The following EXOC4 variants were observed in gnomAD, a reference collection of about 807,000 sequenced individuals.
EXOC4 encodes the protein exocyst complex component 4.
Under a neutral mutation model 107.2 loss-of-function variants are expected in EXOC4, and 71 were observed. The ratio of observed to expected loss-of-function variants is 0.66; its 90% CI spans 0.55 to 0.81. The LOEUF (loss-of-function observed/expected upper bound fraction) is 0.81, where lower values mean the gene tolerates loss of function less well. Ranked by LOEUF, EXOC4 falls within the 30% of genes least tolerant of loss-of-function variation. The pLI, the probability that EXOC4 is intolerant of heterozygous loss-of-function variation, is 0.00. For synonymous variants in EXOC4, 456 were observed against 441.2 expected, an observed-to-expected ratio of 1.03 and a Z score of -0.42; for missense variants, 1,108 against 1,189.6, an observed-to-expected ratio of 0.93 and a Z score of 1.01.
chr7:133,495,328 C>T (rs188557036), intron 9 of EXOC4, among the ~76,000 whole-genome samples: 1 of 151,656 alleles, frequency 6.6e-6, no homozygotes, highest in Admixed American at 6.6e-5. Context: ...TCTTTCTCCC[C>T]TTTTTTAACC....
At position 133,661,063 on chromosome 7, in the gene EXOC4, G is replaced by A. The variant is rs146799470; in HGVS notation, c.1514+30922G>A. Reference sequence around the variant, plus strand: ...GTTTGTCTGATTTTAAGTTTTGTTCGCTTGCCAGGGTACCCCACAAAAATG... The same window carrying A: ...GTTTGTCTGATTTTAAGTTTTGTTCACTTGCCAGGGTACCCCACAAAAATG... On this transcript the variant is annotated intron_variant, in intron 10 of 17. Coordinates refer to ENST00000253861, the MANE Select transcript of EXOC4 (RefSeq NM_021807.4). Among the ~76,000 whole-genome samples the A allele has an allele frequency of 4.6e-5, 7 of 152,152 alleles. 1 individual carries two copies. The highest frequency in any genetic ancestry group is 1.7e-4 in the African/African-American group (7 of 41,528).
Position 133,855,122 on chromosome 7 carries a change from T to TAA in EXOC4, c.1734+37579_1734+37580insAA, listed in dbSNP as rs1414212475. On this transcript the variant is annotated intron_variant, in intron 11 of 17. Transcript: ENST00000253861. Reference sequence around the variant, plus strand: ...ATATATAAATATATATAAATATATATATATAAATATATATATATATAAATA... The same window carrying TAA: ...ATATATAAATATATATAAATATATATAAATATAAATATATATATATATAAATA... Among the ~76,000 whole-genome samples, 488 of 56,678 alleles carry TAA rather than the reference T, an allele frequency of 8.6e-3. 10 individuals are homozygous for TAA. The highest frequency in any genetic ancestry group is 0.04 in the Middle Eastern group (5 of 126). 37.2% of individuals were successfully genotyped at this position (56,678 alleles called of 152,430 possible). A position where few individuals can be genotyped will look rare whatever the true frequency, so the allele number is the denominator to read the frequency against.
At chr7:133,371,275 A>G (rs551313502) in intron 6 of EXOC4, among the ~76,000 whole-genome samples, 1 of 152,308 alleles carries the variant, frequency 6.6e-6, no homozygotes, top group Admixed American at 6.5e-5. Flanking sequence ...CGATTCACCT[A>G]TTGAAAGTAT....
the EXOC4 span, among the ~76,000 whole-genome samples, chr7:134,079,171 C>G: frequency 6.6e-6 from 1 of 152,224 alleles, no homozygotes; most frequent in Non-Finnish European, 1.5e-5. Flanking sequence ...AGACAACATT[C>G]ATTAGCAAGA....
chr7:133,345,599 GA>G (rs900780820), intron 5 of EXOC4, among the ~76,000 whole-genome samples: 3 of 151,780 alleles, frequency 2.0e-5, no homozygotes, highest in African/African-American at 7.3e-5. Context: ...GCTATCTCTT[GA>G]AAAAAATGAT....
chr7:133,531,484 A>G (rs146039742), intron 9 of EXOC4, among the ~76,000 whole-genome samples: 50 of 152,314 alleles, frequency 3.3e-4, no homozygotes, highest in African/African-American at 1.2e-3. Flanking sequence ...CAAGTAGGTG[A>G]AAACTGGAGG....
chr7:134,069,309 T>TCCC (rs142005162), downstream of EXOC4, among the ~76,000 whole-genome samples: 6 of 131,382 alleles, frequency 4.6e-5, 1 homozygote, highest in African/African-American at 1.8e-4. Context: ...CTCCTCCTCC[T>TCCC]TTCTTCCTTC....
At chr7:133,638,351 T>C (rs891726704) in intron 10 of EXOC4, among the ~76,000 whole-genome samples, 1 of 152,176 alleles carries the variant, frequency 6.6e-6, no homozygotes, top group African/African-American at 2.4e-5. Context: ...TCTACATTCT[T>C]TAAATCTCTG....
At chr7:133,368,660 C>T (rs910927292) in intron 6 of EXOC4, among the ~76,000 whole-genome samples, 1 of 152,140 alleles carries the variant, frequency 6.6e-6, no homozygotes, top group African/African-American at 2.4e-5. Flanking sequence ...AGCTGGTATT[C>T]AAGTCCAGGT....
intron 9 of EXOC4, among the ~76,000 whole-genome samples, chr7:133,537,441 G>A (rs1584984323): frequency 1.3e-5 from 2 of 152,110 alleles, no homozygotes; most frequent in South Asian, 2.1e-4. Context: ...TTACAGGCAC[G>A]AGCCACCACG....
At chr7:133,886,583 T>A (rs1205756816) in intron 11 of EXOC4, among the ~76,000 whole-genome samples, 1 of 152,256 alleles carries the variant, frequency 6.6e-6, no homozygotes, top group Non-Finnish European at 1.5e-5. Flanking sequence ...GCACAGACTT[T>A]ATTACCTGGT....
chr7:133,493,938 A>T (rs1388964542), intron 9 of EXOC4, among the ~76,000 whole-genome samples: 2 of 152,214 alleles, frequency 1.3e-5, no homozygotes, highest in Non-Finnish European at 2.9e-5. Context: ...CACGAACTCT[A>T]AATTTTACTA....
At chr7:133,452,892 G>C (rs1798379415) in intron 7 of EXOC4, among the ~76,000 whole-genome samples, 1 of 152,088 alleles carries the variant, frequency 6.6e-6, no homozygotes, top group African/African-American at 2.4e-5. Flanking sequence ...AGTCCATTTT[G>C]TATTTGTTCC....
intron 10 of EXOC4, among the ~76,000 whole-genome samples, chr7:133,685,257 T>C (rs934607749): frequency 4.6e-5 from 7 of 152,122 alleles, no homozygotes; most frequent in Non-Finnish European, 8.8e-5. Flanking sequence ...GTGGAGGTCA[T>C]TTAATCATGG....
At chr7:133,528,502 T>G (rs1032541059) in intron 9 of EXOC4, among the ~76,000 whole-genome samples, 1 of 152,178 alleles carries the variant, frequency 6.6e-6, no homozygotes, top group Non-Finnish European at 1.5e-5. Flanking sequence ...CATTGTATTC[T>G]CTTCAGATTG....
intron 10 of EXOC4, among the ~76,000 whole-genome samples, chr7:133,652,281 A>G (rs1803176657): frequency 1.3e-5 from 2 of 152,198 alleles, no homozygotes; most frequent in South Asian, 4.1e-4. Flanking sequence ...TCTTTGAATG[A>G]ATGTAAGTGG....
intron 10 of EXOC4, among the ~76,000 whole-genome samples, chr7:133,671,292 G>A (rs1343177445): frequency 1.3e-5 from 2 of 152,158 alleles, no homozygotes; most frequent in East Asian, 1.9e-4. Flanking sequence ...GGCCAGGCAC[G>A]GTGGCTCATG....
intron 17 of EXOC4, among the ~76,000 whole-genome samples, chr7:134,035,452 A>C (rs1290259651): frequency 3.3e-5 from 5 of 152,220 alleles, no homozygotes; most frequent in African/African-American, 1.2e-4. Flanking sequence ...TTAAATTACA[A>C]AGAACAGCAT....
chr7:133,620,002 GTGTGTGTT>G (rs1294918031), intron 9 of EXOC4, among the ~76,000 whole-genome samples: 7 of 150,998 alleles, frequency 4.6e-5, no homozygotes, highest in African/African-American at 7.4e-5. Context: ...GTGTGTGTGT[GTGTGTGTT>G]TGTTTTTTTT....
Sources: allele counts gnomAD v4.1 joint callset (sites outside exome capture counted in the v4.1 genomes callset), GRCh38; gene constraint gnomAD v4.1.1; transcripts MANE v1.5; gene names NCBI Gene and HGNC (gene_info 2026-07-23, HGNC 2026-07-21).